Variants in CFAP69 observed in about 807,000 individuals in gnomAD.
CFAP69 encodes the protein cilia- and flagella-associated protein 69.
CFAP69 carries 92 observed loss-of-function variants against 123.0 expected under a neutral mutation model. The ratio of observed to expected loss-of-function variants is 0.75; its 90% confidence interval spans 0.63 to 0.89. The LOEUF is 0.89. CFAP69 is among the 40% of genes least tolerant of loss of function. CFAP69 has a pLI of 0.00. For missense variants in CFAP69, 1,067 were observed against 1,096.9 expected (o/e 0.97, Z 0.39); for synonymous variants, 380 against 364.3 (o/e 1.04, Z -0.49).
At chr7:90,264,664 G>T (rs1418925909) in intron 4 of CFAP69, among the ~76,000 whole-genome samples, 1 of 151,792 alleles carries the variant, frequency 6.6e-6, no homozygotes, top group African/African-American at 2.4e-5. Flanking sequence ...AGAGAAAGAG[G>T]GTTCCTAAGT....
At position 90,262,022 on chromosome 7, in the gene CFAP69, A is replaced by G. The variant is rs1034544146; in HGVS notation, c.322A>G (p.Ile108Val). 1.7e-5 allele frequency: 27 copies of G among 1,601,722 alleles called. No individual in the cohort carries two copies. Among genetic ancestry groups the G allele is most frequent in the Non-Finnish European group, 2.3e-5 (27 of 1,175,170 alleles). The change falls in exon 4 of 23, where the codon ATA becomes GTA. Residue 108 changes from isoleucine to valine, a missense_variant. By Grantham distance (29) the Ile-to-Val change is conservative (BLOSUM62 3). Coordinates refer to ENST00000389297, the MANE Select transcript of CFAP69 (RefSeq NM_001039706.3). ...SGKIKNQPRFIESAYDIIKLC... is the reference protein window; with the variant it reads ...SGKIKNQPRFVESAYDIIKLC... Reference sequence around the variant, plus strand: ...AAAAATAAAAAACCAGCCTCGTTTTATAGAATCTGCATATGATATCATAAA... The same window carrying G: ...AAAAATAAAAAACCAGCCTCGTTTTGTAGAATCTGCATATGATATCATAAA...
intron 4 of CFAP69, among the ~76,000 whole-genome samples, chr7:90,263,557 G>A (rs1413296610): frequency 6.6e-6 from 1 of 152,092 alleles, no homozygotes; most frequent in Non-Finnish European, 1.5e-5. Flanking sequence ...TAGTTTTAGA[G>A]TCCTTCACTT....
intron 4 of CFAP69, 92 bp from the exon 5 acceptor site, chr7:90,265,209 C>A: frequency 1.4e-6 from 1 of 722,810 alleles, no homozygotes; most frequent in Non-Finnish European, 2.4e-6. Context: ...TTAATTTATT[C>A]TTTAGAAATG....
chr7:90,297,950 G>T lies in CFAP69; in HGVS notation c.1857+120G>T, dbSNP rs539332443. The T allele has an allele frequency of 1.5e-5, 10 of 656,326 alleles. No homozygotes were observed. The South Asian group carries it at 2.0e-4, about 13-fold the overall frequency. The allele number at this position is 656,326 out of a possible 1,614,324, so 40.7% of individuals were successfully genotyped here. On this transcript the variant is annotated intron_variant, in intron 16 of 22. Coordinates refer to ENST00000389297, the MANE Select transcript of CFAP69 (RefSeq NM_001039706.3). Reference sequence around the variant, plus strand: ...AAATGTGCCCCAAATCATGTTCAAAGGTACGGTCTTAAACAAAATTGCTCC... The same window carrying T: ...AAATGTGCCCCAAATCATGTTCAAATGTACGGTCTTAAACAAAATTGCTCC...
intron 17 of CFAP69, chr7:90,300,481 G>A (rs1365860674): frequency 1.3e-6 from 1 of 759,444 alleles, no homozygotes; most frequent in East Asian, 1.3e-4. Flanking sequence ...TCTGATTAAT[G>A]TTTATAGAGT....
intron 15 of CFAP69, among the ~76,000 whole-genome samples, chr7:90,296,035 C>A (rs182289914): frequency 8.9e-4 from 136 of 152,260 alleles, no homozygotes; most frequent in African/African-American, 3.1e-3. Context: ...CTGTGCTGAA[C>A]TCCTGTCTCA....
intron 22 of CFAP69, 56 bp from the exon 23 acceptor site, chr7:90,310,012 C>T: frequency 3.5e-6 from 5 of 1,425,808 alleles, no homozygotes; most frequent in Non-Finnish European, 3.8e-6. Flanking sequence ...ATGAGTTTTT[C>T]TCTTGTTGAA....
At chr7:90,250,389 A>C (rs1454999840) in intron 1 of CFAP69, among the ~76,000 whole-genome samples, 2 of 152,136 alleles carry the variant, frequency 1.3e-5, no homozygotes, top group African/African-American at 2.4e-5. Context: ...AAGAGGGATA[A>C]TAGTGCTACC....
At chr7:90,257,313 A>T (rs571186409) in intron 2 of CFAP69, among the ~76,000 whole-genome samples, 4 of 152,266 alleles carry the variant, frequency 2.6e-5, no homozygotes, top group African/African-American at 9.6e-5. Context: ...TTTATTTTTG[A>T]TACATAATGT....
At chr7:90,262,514 T>C (rs1449797220) in intron 4 of CFAP69, among the ~76,000 whole-genome samples, 1 of 152,148 alleles carries the variant, frequency 6.6e-6, no homozygotes, top group Non-Finnish European at 1.5e-5. Context: ...ACATTTGATA[T>C]ATATTTTAAA....
the CFAP69 span, chr7:90,317,630 C>T: frequency 1.3e-5 from 2 of 152,032 alleles, no homozygotes; most frequent in African/African-American, 4.8e-5. Flanking sequence ...CCTGAAATTA[C>T]ATGCAAAATG....
intron 13 of CFAP69, among the ~76,000 whole-genome samples, chr7:90,285,074 G>T (rs12704518): frequency 0.5 from 75,726 of 151,956 alleles, 19,824 homozygotes; most frequent in Non-Finnish European, 0.59. Flanking sequence ...AGCAGGGAAA[G>T]TTTCTGCCTG....
rs749279343 is a variant in CFAP69 at position 90,265,271 on chromosome 7, T to TA, written c.357-29dup. On this transcript the variant is annotated intron_variant, in intron 4 of 22. Transcript: ENST00000389297. ...TTCAATTAAAGACTTTATTAAAAAT[T>TA]ACTGTTACAATTCTTCATTCTTATT... is the stretch of plus-strand genomic sequence containing the variant. The TA allele has an allele frequency of 1.1e-5, 16 of 1,428,474 alleles. No homozygotes were observed. The African/African-American group carries it at 2.1e-4, about 19-fold the overall frequency. The allele number at this position is 1,428,474 out of a possible 1,614,324, so 88.5% of individuals were successfully genotyped here. A position where few individuals can be genotyped will look rare whatever the true frequency, so the allele number is the denominator to read the frequency against.
At chr7:90,289,527 C>T (rs1790805067) in intron 15 of CFAP69, among the ~76,000 whole-genome samples, 1 of 151,970 alleles carries the variant, frequency 6.6e-6, no homozygotes, top group African/African-American at 2.4e-5. Context: ...GGATATGAGC[C>T]TTTTTCTGTT....
rs1260731919 is a variant in CFAP69, at chr7:90,304,004, G to A, written c.2086G>A (p.Glu696Lys). 6.4e-7 allele frequency: 1 copy of A among 1,550,556 alleles called. No homozygotes were observed. Among genetic ancestry groups the A allele is most frequent in the Admixed American group, 2.0e-5 (1 of 50,944 alleles). Residue 696 changes from glutamate (E) to lysine (K), a missense_variant, in exon 18 of 23, where the codon GAG (glutamate) becomes AAG (lysine). Coordinates refer to ENST00000389297, the MANE Select transcript of CFAP69 (RefSeq NM_001039706.3). ...KKPLFTSFQE[E>K]QKIIPLPANC... ...ACCTCTATTTACTAGCTTTCAAGAA[G>A]AGCAAAAAATCATCCCACTGCCTGC...
intron 1 of CFAP69, 71 bp downstream of exon 1, chr7:90,245,615 TG>T: frequency 7.2e-7 from 1 of 1,387,156 alleles, no homozygotes; most frequent in Non-Finnish European, 9.4e-7. Context: ...GGTCCAGACC[TG>T]GGGGTGGCAA....
chr7:90,286,628 T>G (rs1368956878), intron 14 of CFAP69, among the ~76,000 whole-genome samples: 5 of 152,206 alleles, frequency 3.3e-5, no homozygotes, highest in Non-Finnish European at 4.4e-5. Context: ...TAAAATTTCC[T>G]CATCCCATTA....
intron 14 of CFAP69, chr7:90,287,659 A>G (rs1790499842): frequency 1.0e-6 from 1 of 985,336 alleles, no homozygotes; most frequent in African/African-American, 1.7e-5. Flanking sequence ...TTCTCATCAT[A>G]TTCTACCACC....
chr7:90,277,166 G>C, intron 10 of CFAP69, 45 bp downstream of exon 10: 1 of 1,576,236 alleles, frequency 6.3e-7, no homozygotes, highest in Non-Finnish European at 8.6e-7. Flanking sequence ...ATCTTGATAA[G>C]TCTTGTACAA....
Sources: gnomAD v4.1 joint callset for allele counts (sites outside exome capture counted in the v4.1 genomes callset) on GRCh38, gnomAD v4.1.1 for gene constraint, MANE v1.5 for transcripts, NCBI Gene and HGNC (gene_info 2026-07-23, HGNC 2026-07-21) for gene names.